The following SEMA4F variants were observed in gnomAD, a reference collection of about 807,000 sequenced individuals.
SEMA4F encodes the protein ssemaphorin 4F.
In SEMA4F, 51 loss-of-function variants were observed where a neutral mutation model predicts 78.4. The ratio of observed to expected loss-of-function variants is 0.65; its 90% CI spans 0.52 to 0.82. The LOEUF is 0.82. Among genes scored for constraint, SEMA4F ranks in the 40% least tolerant of loss-of-function variants. SEMA4F has a pLI of 0.00. For missense variants in SEMA4F, 938 were observed against 1,014.4 expected (o/e 0.92, Z 1.02); for synonymous variants, 418 against 408.7 (o/e 1.02, Z -0.27).
intron 5 of SEMA4F, among the ~76,000 whole-genome samples, chr2:74,668,907 G>A (rs1208976154): frequency 7.0e-6 from 1 of 143,138 alleles, no homozygotes; most frequent in African/African-American, 2.7e-5. Flanking sequence ...TGGGATTACA[G>A]GCATGAGCCA....
In SEMA4F at chr2:74,675,315, C is replaced by A. The variant is rs1685212156; in HGVS notation, c.1303C>A (p.Leu435Ile). 1 of 1,614,082 alleles carries A rather than the reference C, an allele frequency of 6.2e-7. No individual in the cohort carries two copies. Among genetic ancestry groups the A allele is most frequent in the Non-Finnish European group, 8.5e-7 (1 of 1,180,040 alleles). The change falls in exon 10 of 14, where the codon CTC (leucine) becomes ATC (isoleucine). Residue 435 changes from leucine to isoleucine, a missense_variant. Physicochemically the swap from Leu to Ile is conservative, Grantham distance 5. Transcript: ENST00000357877. ...PLLVTTDTAY[L>I]RVVAHRVTSL... ...GCTGGTCACTACAGATACAGCCTAT[C>A]TCAGAGTCGTGGCCCACAGGGTGAC...
At chr2:74,707,857 A>G in the SEMA4F span, among the ~76,000 whole-genome samples, 1 of 152,154 alleles carries the variant, frequency 6.6e-6, no homozygotes, top group Non-Finnish European at 1.5e-5. Context: ...GATGGAGAGG[A>G]GAGAGGTGCA....
chr2:74,660,058 G>A (rs1684349985), intron 4 of SEMA4F, among the ~76,000 whole-genome samples: 1 of 152,138 alleles, frequency 6.6e-6, no homozygotes. Flanking sequence ...ACAACAAACA[G>A]CAACAATGAC....
intron 3 of SEMA4F, 73 bp downstream of exon 3, chr2:74,657,697 T>C: frequency 6.7e-7 from 1 of 1,498,418 alleles, no homozygotes; most frequent in Non-Finnish European, 9.3e-7. Flanking sequence ...CAGTCCCCTG[T>C]AATGCTTCCA....
chr2:74,670,672 C>T (rs538135356), intron 5 of SEMA4F, among the ~76,000 whole-genome samples: 31 of 152,354 alleles, frequency 2.0e-4, no homozygotes, highest in African/African-American at 7.2e-4. Context: ...ATCCATGACA[C>T]GGCTTCTGCC....
chr2:74,674,787 T>C (rs1685172622), intron 8 of SEMA4F, 101 bp from the exon 9 acceptor site: 4 of 1,552,396 alleles, frequency 2.6e-6, no homozygotes, highest in Non-Finnish European at 8.7e-7. Context: ...TTTGGCTGCA[T>C]GGCTCCCTGT....
the SEMA4F span, among the ~76,000 whole-genome samples, chr2:74,693,401 T>C: frequency 2.0e-5 from 3 of 152,254 alleles, no homozygotes; most frequent in Admixed American, 2.0e-4. Flanking sequence ...GCAGTGCCTT[T>C]AGTATTTCAC....
chr2:74,687,340 C>A (rs1471489037), downstream of SEMA4F, among the ~76,000 whole-genome samples: 2 of 152,214 alleles, frequency 1.3e-5, no homozygotes, highest in African/African-American at 4.8e-5. Flanking sequence ...TAAAGTAGCT[C>A]CCAGTTACTT....
At chr2:74,692,120 A>G in the SEMA4F span, among the ~76,000 whole-genome samples, 1 of 152,170 alleles carries the variant, frequency 6.6e-6, no homozygotes, top group Admixed American at 6.5e-5. Context: ...AAGTTGACGC[A>G]GGAAGATAAC....
intron 12 of SEMA4F, among the ~76,000 whole-genome samples, chr2:74,678,080 T>C (rs2105013893): frequency 6.6e-6 from 1 of 152,340 alleles, no homozygotes; most frequent in South Asian, 2.1e-4. Flanking sequence ...TTAAGAACTT[T>C]AACCTGGTCT....
intron 12 of SEMA4F, among the ~76,000 whole-genome samples, chr2:74,678,633 GC>G (rs1685416108): frequency 6.6e-6 from 1 of 152,168 alleles, no homozygotes; most frequent in Non-Finnish European, 1.5e-5. Flanking sequence ...AGAGAGTTCA[GC>G]AGTGAGCAGT....
intron 5 of SEMA4F, among the ~76,000 whole-genome samples, chr2:74,665,171 A>G (rs931678391): frequency 6.6e-6 from 1 of 151,756 alleles, no homozygotes; most frequent in Non-Finnish European, 1.5e-5. Context: ...TTTCCTATGC[A>G]TGACTTTATT....
chr2:74,680,287 T>C lies in SEMA4F; in HGVS notation c.*78T>C. 6.8e-7 allele frequency: 1 copy of C among 1,466,594 alleles called. No individual in the cohort carries two copies. Among genetic ancestry groups the C allele is most frequent in the Non-Finnish European group, 9.2e-7 (1 of 1,092,260 alleles). 90.8% of individuals were successfully genotyped at this position (1,466,594 alleles called of 1,614,324 possible). On this transcript the variant is annotated 3_prime_UTR_variant, in exon 14 of 14. Transcript: ENST00000357877. ...CTGAGATGCTGGGGGTCACTGGGCC[T>C]GGAAGACCATCCCAGCCTCTGAGTT...
chr2:74,662,774 C>G lies in SEMA4F; in HGVS notation c.499C>G (p.Arg167Gly), dbSNP rs375993777. 8 of 1,614,038 alleles carry G rather than the reference C, an allele frequency of 5.0e-6. No individual in the cohort carries two copies. Among genetic ancestry groups the G allele is most frequent in the Non-Finnish European group, 6.8e-6 (8 of 1,179,988 alleles). Reference sequence around the variant, plus strand: ...GCAGGTTGAAAGACTTGAGAGTGGCCGGGGGAAATGTCCTTTTGAGCCAGC... The same window carrying G: ...GCAGGTTGAAAGACTTGAGAGTGGCGGGGGGAAATGTCCTTTTGAGCCAGC... The part of the protein sequence containing the change: ...FQQVERLESG[R>G]GKCPFEPAQR... The change falls in exon 5 of 14, where the codon CGG (arginine) becomes GGG (glycine). Residue 167 changes from arginine (R) to glycine (G), a missense_variant. Transcript: ENST00000357877.
At chr2:74,688,586 A>G (rs1054324927), downstream of SEMA4F, among the ~76,000 whole-genome samples, 6 of 152,214 alleles carry the variant, frequency 3.9e-5, no homozygotes, top group African/African-American at 9.6e-5. Flanking sequence ...TAATAGATGA[A>G]AAAGCAGTTT....
intron 5 of SEMA4F, among the ~76,000 whole-genome samples, chr2:74,669,515 G>A (rs982993144): frequency 1.2e-3 from 176 of 151,866 alleles, no homozygotes; most frequent in Non-Finnish European, 6.6e-4. Context: ...AACCTGGGAG[G>A]CGGAGATTAC....
chr2:74,659,375 G>T (rs1206629184), intron 4 of SEMA4F, among the ~76,000 whole-genome samples: 1 of 152,142 alleles, frequency 6.6e-6, no homozygotes, highest in African/African-American at 2.4e-5. Context: ...TCTGAGGTGG[G>T]ACTCTAGTGG....
intron 3 of SEMA4F, 97 bp downstream of exon 3, chr2:74,657,721 A>C: frequency 7.1e-7 from 1 of 1,412,846 alleles, no homozygotes; most frequent in Non-Finnish European, 1.0e-6. Context: ...CAATGGGCCC[A>C]GGCAGAGACT....
In SEMA4F at chr2:74,657,641, G is replaced by A; in HGVS notation, c.357+17G>A. ...AAGAAAGAGGTAGGTGTAAATCTGA[G>A]CCCTGTCTTGAGTGTCAGTTGAGAC... On this transcript the variant is annotated intron_variant, in intron 3 of 13. Coordinates refer to ENST00000357877, the MANE Select transcript of SEMA4F (RefSeq NM_004263.5). 6.2e-7 allele frequency: 1 copy of A among 1,613,606 alleles called. No homozygotes were observed. Among genetic ancestry groups the A allele is most frequent in the Non-Finnish European group, 8.5e-7 (1 of 1,179,500 alleles).
Sources: gnomAD v4.1 joint callset for allele counts (sites outside exome capture counted in the v4.1 genomes callset) on GRCh38, gnomAD v4.1.1 for gene constraint, MANE v1.5 for transcripts, NCBI Gene and HGNC (gene_info 2026-07-23, HGNC 2026-07-21) for gene names.